The following INTS6L variants were observed in gnomAD, a reference collection of about 807,000 sequenced individuals.
INTS6L encodes integrator complex subunit 6 like, also known as integrator complex subunit 6-like.
INTS6L carries 18 observed loss-of-function variants against 64.7 expected under a neutral mutation model. That is an observed-to-expected ratio of 0.28 (90% confidence interval 0.19 to 0.41). The LOEUF is 0.41. Ranked by LOEUF, INTS6L falls within the 10% of genes least tolerant of loss-of-function variation. INTS6L has a pLI of 1.00. For synonymous variants in INTS6L, 227 were observed against 235.9 expected, an observed-to-expected ratio of 0.96 and a Z score of 0.34; for missense variants, 533 against 661.0, an observed-to-expected ratio of 0.81 and a Z score of 2.12.
chrX:135,556,499 T>C (rs962033458), intron 9 of INTS6L, among the ~76,000 whole-genome samples, 199 bp downstream of exon 9: 1 of 111,843 alleles, frequency 8.9e-6, no homozygotes, highest in African/African-American at 3.3e-5. Flanking sequence ...TTTCAGTGTG[T>C]GATTCTTATG....
intron 6 of INTS6L, among the ~76,000 whole-genome samples, chrX:135,548,148 G>C (rs1202747920): frequency 2.7e-5 from 3 of 110,576 alleles, no homozygotes; most frequent in Non-Finnish European, 5.7e-5. Flanking sequence ...GAAGAACAAA[G>C]GGGTCAAATG....
At chrX:135,561,144 G>T (rs190317049) in intron 9 of INTS6L, among the ~76,000 whole-genome samples, 389 of 108,832 alleles carry the variant, frequency 3.6e-3, no homozygotes, top group Middle Eastern at 9.4e-3. Context: ...TTAGAGACGG[G>T]GTTTCACCAT....
In INTS6L at chrX:135,520,691, C is replaced by T. The variant is rs1262119682; in HGVS notation, c.-302C>T. ...GGGCGAGCGCTCTAGTGAGCGCGGA[C>T]GGATGCTTAGGCAGTAGTCCTGGCA... is the stretch of plus-strand genomic sequence containing the variant. On this transcript the variant is annotated 5_prime_UTR_variant, in exon 1 of 18. In the 5' UTR this introduces an upstream ATG that the reference lacks. Transcript: ENST00000639893. 4 of 311,228 alleles carry T rather than the reference C, an allele frequency of 1.3e-5. No homozygotes were observed. The highest frequency in any genetic ancestry group is 7.4e-5 in the South Asian group (1 of 13,594). The allele number at this position is 311,228 out of a possible 1,213,427, so 25.6% of individuals were successfully genotyped here. A position where few individuals can be genotyped will look rare whatever the true frequency, so the allele number is the denominator to read the frequency against.
chrX:135,577,753 C>A (rs1436103433), intron 15 of INTS6L, among the ~76,000 whole-genome samples: 1 of 112,151 alleles, frequency 8.9e-6, no homozygotes, highest in African/African-American at 3.2e-5. Flanking sequence ...TCTGCTGCAA[C>A]CTTTTGGAGT....
At chrX:135,542,285 C>G (rs1377377036) in intron 2 of INTS6L, among the ~76,000 whole-genome samples, 1 of 111,421 alleles carries the variant, frequency 9.0e-6, no homozygotes, top group Non-Finnish European at 1.9e-5. Context: ...ATCACCTGAG[C>G]TCAGGAGTTC....
intron 2 of INTS6L, among the ~76,000 whole-genome samples, chrX:135,528,152 G>A (rs1242402682): frequency 9.0e-6 from 1 of 111,035 alleles, no homozygotes; most frequent in Non-Finnish European, 1.9e-5. Flanking sequence ...GCCTTTTACC[G>A]AAAGAGTGTA....
intron 6 of INTS6L, among the ~76,000 whole-genome samples, chrX:135,549,028 C>T (rs782817472): frequency 2.7e-5 from 3 of 111,859 alleles, no homozygotes; most frequent in African/African-American, 6.5e-5. Flanking sequence ...AATTAGTCCA[C>T]GATAAACTTG....
chrX:135,558,787 CTTT>C (rs1164910175), intron 9 of INTS6L, among the ~76,000 whole-genome samples: 4 of 94,657 alleles, frequency 4.2e-5, no homozygotes, highest in Admixed American at 1.1e-4. Context: ...TTTCTTTTTT[CTTT>C]TTTTTTTTTT....
chrX:135,529,133 T>C (rs2085833271), intron 2 of INTS6L, among the ~76,000 whole-genome samples: 1 of 112,143 alleles, frequency 8.9e-6, no homozygotes, highest in South Asian at 3.7e-4. Flanking sequence ...GAATTCTGTT[T>C]ATAATATGTG....
intron 2 of INTS6L, among the ~76,000 whole-genome samples, chrX:135,542,240 G>A (rs1310989794): frequency 8.9e-6 from 1 of 111,922 alleles, no homozygotes; most frequent in African/African-American, 3.3e-5. Flanking sequence ...GCTCACACCT[G>A]TAATCACAGC....
intron 9 of INTS6L, among the ~76,000 whole-genome samples, chrX:135,558,313 G>T (rs1230586331): frequency 9.0e-6 from 1 of 111,470 alleles, no homozygotes; most frequent in African/African-American, 3.3e-5. Context: ...ATATCCAAAA[G>T]AATCGAATCC....
rs2085962185 is a variant in INTS6L, at chrX:135,533,457, C to T, written c.190-11966C>T. Among the ~76,000 whole-genome samples the T allele has an allele frequency of 3.6e-5, 4 of 111,573 alleles. 1 individual carries two copies. The highest frequency in any genetic ancestry group is 9.5e-5 in the Admixed American group (1 of 10,498). Reference sequence around the variant, plus strand: ...TGTGCAAAATGTGCAGGTTTGTTAACATGTGCCATGGTGGTTTGCTGCATA... The same window carrying T: ...TGTGCAAAATGTGCAGGTTTGTTAATATGTGCCATGGTGGTTTGCTGCATA... On this transcript the variant is annotated intron_variant, in intron 2 of 17. Coordinates refer to ENST00000639893, the MANE Select transcript of INTS6L (RefSeq NM_001351601.3).
At chrX:135,545,298 T>C (rs2086325391) in intron 2 of INTS6L, 125 bp from the exon 3 acceptor site, 2 of 857,838 alleles carry the variant, frequency 2.3e-6, no homozygotes, top group Non-Finnish European at 3.2e-6. Flanking sequence ...AGTGAAGATA[T>C]AGAATAGAAT....
chrX:135,556,052 A>G (rs2086641506), intron 8 of INTS6L, 116 bp from the exon 9 acceptor site: 4 of 767,778 alleles, frequency 5.2e-6, no homozygotes, highest in Non-Finnish European at 7.2e-6. Context: ...CACTATTGCT[A>G]TTTTAAAATT....
chrX:135,573,681 G>A, intron 12 of INTS6L, among the ~76,000 whole-genome samples: 1 of 112,437 alleles, frequency 8.9e-6, no homozygotes, highest in South Asian at 3.7e-4. Flanking sequence ...CTGCAAGGCG[G>A]CCACAGGTAT....
At chrX:135,530,500 T>C (rs1277974837) in intron 2 of INTS6L, among the ~76,000 whole-genome samples, 1 of 112,347 alleles carries the variant, frequency 8.9e-6, no homozygotes, top group Non-Finnish European at 1.9e-5. Context: ...GTCTTCACTT[T>C]ACCAATCTCC....
intron 15 of INTS6L, 38 bp from the exon 16 acceptor site, chrX:135,579,750 C>T: frequency 8.7e-7 from 1 of 1,149,534 alleles, no homozygotes; most frequent in East Asian, 3.0e-5. Context: ...GACATAATAC[C>T]CTTACCTCAC....
Position 135,579,831 on chromosome X carries a change from T to G in INTS6L, c.2163T>G (p.Asn721Lys), listed in dbSNP as rs1569514622. Residue 721 changes from asparagine (N) to lysine (K), a missense_variant, in exon 16 of 18, where the codon AAT (asparagine) becomes AAG (lysine). Physicochemically the swap from Asn to Lys is moderately conservative, Grantham distance 94 (BLOSUM62 0). Coordinates refer to ENST00000639893, the MANE Select transcript of INTS6L (RefSeq NM_001351601.3). ...IHDGHEEKME[N>K]GQITPDGFLS... ...ATGGCCATGAGGAGAAGATGGAAAA[T>G]GGTCAGATCACACCTGATGGCTTCC... 1 of 1,195,248 alleles carries G rather than the reference T, an allele frequency of 8.4e-7. No individual in the cohort carries two copies. The highest frequency in any genetic ancestry group is 1.1e-6 in the Non-Finnish European group (1 of 886,481).
chrX:135,582,481 T>C lies in INTS6L; in HGVS notation c.*845T>C, dbSNP rs1446437019. ...AGATTTTGATTTTGCATATATAAAA[T>C]AAATCATTTTATTGATTTTCACAAG... On this transcript the variant is annotated 3_prime_UTR_variant, in exon 18 of 18. Transcript: ENST00000639893. 8.9e-6 allele frequency: 1 copy of C among 112,718 alleles called. No individual in the cohort carries two copies. Among genetic ancestry groups the C allele is most frequent in the Non-Finnish European group, 1.9e-5 (1 of 53,389 alleles). The allele number at this position is 112,718 out of a possible 1,213,427, so 9.3% of individuals were successfully genotyped here.
Sources: gnomAD v4.1 joint callset for allele counts (sites outside exome capture counted in the v4.1 genomes callset) on GRCh38, gnomAD v4.1.1 for gene constraint, MANE v1.5 for transcripts, NCBI Gene and HGNC (gene_info 2026-07-23, HGNC 2026-07-21) for gene names.